The following FAM20C variants were observed in gnomAD, a reference collection of about 807,000 sequenced individuals.
The protein encoded by FAM20C is FAM20C golgi associated secretory pathway kinase.
FAM20C carries 40 observed loss-of-function variants against 51.5 expected under a neutral mutation model. The observed-to-expected ratio is 0.78, with a 90% confidence interval of 0.60 to 1.01. The LOEUF (loss-of-function observed/expected upper bound fraction) is 1.01, where lower values mean the gene tolerates loss of function less well. FAM20C is among the 50% of genes least tolerant of loss of function. The pLI, the probability that FAM20C is intolerant of heterozygous loss-of-function variation, is 0.00. For missense variants in FAM20C, 861 were observed against 844.7 expected, an observed-to-expected ratio of 1.02 and a Z score of -0.24; for synonymous variants, 406 against 380.6, an observed-to-expected ratio of 1.07 and a Z score of -0.78.
chr7:252,000 C>T (rs548039872), intron 5 of FAM20C, among the ~76,000 whole-genome samples: 4 of 152,360 alleles, frequency 2.6e-5, no homozygotes, highest in South Asian at 4.1e-4. Context: ...CGATTTCTTC[C>T]AGAAGCCTCT....
rs528110438 is a variant in FAM20C, at chr7:232,283, G to A, written c.864-14132G>A. ...TGGCCCTGGGTGAGCAGACCTTGTG[G>A]CTACCTGTCTGTTCTCCCATGTGTC... is the stretch of plus-strand genomic sequence containing the variant. On this transcript the variant is annotated intron_variant, in intron 3 of 9. Transcript: ENST00000313766. Among the ~76,000 whole-genome samples the A allele has an allele frequency of 9.8e-5, 15 of 152,332 alleles. No individual in the cohort carries two copies. The East Asian group carries it at 2.9e-3, about 29-fold the overall frequency.
Position 258,665 on chromosome 7 carries a change from G to T in FAM20C, c.1465G>T (p.Asp489Tyr), listed in dbSNP as rs946092624. ...NGRGFGKYSH[D>Y]ELSILVPLQQ... ...TGGAAGGTTTGGGAAGTATTCGCACGACGAGCTCTCCATCCTGGTGCCGCT... is the reference window on the plus strand; with the variant it reads ...TGGAAGGTTTGGGAAGTATTCGCACTACGAGCTCTCCATCCTGGTGCCGCT... Residue 489 changes from aspartate (D) to tyrosine (Y), a missense_variant, in exon 9 of 10, where the codon GAC becomes TAC. Asp to Tyr is a radical substitution (Grantham distance 160). Coordinates refer to ENST00000313766, the MANE Select transcript of FAM20C (RefSeq NM_020223.4). 1 of 1,536,742 alleles carries T rather than the reference G, an allele frequency of 6.5e-7. No homozygotes were observed. Among genetic ancestry groups the T allele is most frequent in the Non-Finnish European group, 8.7e-7 (1 of 1,146,548 alleles).
At chr7:209,102 T>G (rs1015807582) in intron 3 of FAM20C, 126 bp downstream of exon 3, 9 of 899,628 alleles carry the variant, frequency 1.0e-5, no homozygotes, top group Non-Finnish European at 1.6e-5. Flanking sequence ...GGGTGACCAC[T>G]CTCAACTCTC....
chr7:206,099 G>A (rs1048591050), intron 2 of FAM20C, among the ~76,000 whole-genome samples: 4 of 152,216 alleles, frequency 2.6e-5, no homozygotes, highest in East Asian at 3.9e-4. Context: ...GAGCGTCTCC[G>A]TCATCCCAGG....
At chr7:203,386 A>G (rs905499468) in intron 2 of FAM20C, among the ~76,000 whole-genome samples, 7 of 149,960 alleles carry the variant, frequency 4.7e-5, no homozygotes, top group African/African-American at 1.7e-4. Context: ...CTTTTTTTCA[A>G]GGCCTGGCCT....
At chr7:201,774 T>G (rs1420034775) in intron 2 of FAM20C, among the ~76,000 whole-genome samples, 2 of 152,208 alleles carry the variant, frequency 1.3e-5, no homozygotes, top group East Asian at 3.8e-4. Context: ...GAACATCGCC[T>G]CTGTCTCGTG....
intron 3 of FAM20C, among the ~76,000 whole-genome samples, chr7:237,357 T>G (rs1160011273): frequency 1.3e-5 from 2 of 152,228 alleles, no homozygotes; most frequent in East Asian, 3.8e-4. Flanking sequence ...GCTCACATTT[T>G]AGCATCACAC....
intron 3 of FAM20C, among the ~76,000 whole-genome samples, chr7:212,198 C>T (rs551388717): frequency 7.2e-5 from 11 of 152,324 alleles, no homozygotes; most frequent in Admixed American, 2.0e-4. Flanking sequence ...CACACTGGCT[C>T]GCAGCTGTAA....
chr7:245,252 G>A (rs1788106005), intron 3 of FAM20C, among the ~76,000 whole-genome samples: 1 of 152,244 alleles, frequency 6.6e-6, no homozygotes, highest in African/African-American at 2.4e-5. Context: ...TCTGCCCTGA[G>A]TGGGAGGTGT....
rs1433398827 is a variant in FAM20C at position 219,473 on chromosome 7, C to T, written c.863+10497C>T. ...AGCAACGCCCAGCCAGGGCTGTCGGCGGGGTCTGAGGGAGGCGCGTTCCCT... is the reference window on the plus strand; with the variant it reads ...AGCAACGCCCAGCCAGGGCTGTCGGTGGGGTCTGAGGGAGGCGCGTTCCCT... On this transcript the variant is annotated intron_variant, in intron 3 of 9. Transcript: ENST00000313766. 3.3e-5 allele frequency among the ~76,000 whole-genome samples: 5 copies of T among 151,150 alleles called. No individual in the cohort carries two copies. In the South Asian group the frequency reaches 6.2e-4, roughly 19 times the overall value.
Position 193,404 on chromosome 7 carries a change from G to A in FAM20C, c.205G>A (p.Glu69Lys). 1 of 1,400,734 alleles carries A rather than the reference G, an allele frequency of 7.1e-7. No individual in the cohort carries two copies. Among genetic ancestry groups the A allele is most frequent in the Non-Finnish European group, 9.4e-7 (1 of 1,065,280 alleles). The allele number at this position is 1,400,734 out of a possible 1,614,324, so 86.8% of individuals were successfully genotyped here. The change falls in exon 1 of 10, where the codon GAG (glutamate) becomes AAG (lysine). Residue 69 changes from glutamate to lysine, a missense_variant. Glu to Lys is a moderately conservative substitution (Grantham distance 56). This residue lies in a region of FAM20C where 561 missense variants were observed against 499.8 expected (regional missense o/e 1.12). Transcript: ENST00000313766. ...GGCCCAGGTTCGGGGCCGCCCCGGG[G>A]AGCCCCCGGCCGCCTCCTCCGCCGC... ...GWAQVRGRPG[E>K]PPAASSAAGD...
chr7:205,399 C>CAGCCCCCCG (rs1786330407), intron 2 of FAM20C, among the ~76,000 whole-genome samples: 1 of 150,878 alleles, frequency 6.6e-6, no homozygotes, highest in African/African-American at 2.4e-5. Flanking sequence ...ACCACCACAC[C>CAGCCCCCCG]AGTTAATTTT....
intron 3 of FAM20C, chr7:228,294 C>T: frequency 2.7e-6 from 1 of 368,160 alleles, no homozygotes; most frequent in East Asian, 7.4e-5. Context: ...TGCCTGTCCC[C>T]ATGGGTTCCG....
At chr7:228,156 C>T in intron 3 of FAM20C, 1 of 317,184 alleles carries the variant, frequency 3.2e-6, no homozygotes, top group East Asian at 7.9e-5. Flanking sequence ...CGTAACGAAA[C>T]ACCAGGGGGG....
intron 3 of FAM20C, among the ~76,000 whole-genome samples, chr7:224,256 G>GGTC (rs765940748): frequency 1.1e-4 from 7 of 63,552 alleles, no homozygotes; most frequent in African/African-American, 3.6e-4. Context: ...CTGTCACGGG[G>GGTC]TCGCATGGCG....
At chr7:236,800 CCGG>C (rs1787862122) in intron 3 of FAM20C, among the ~76,000 whole-genome samples, 2 of 142,610 alleles carry the variant, frequency 1.4e-5, no homozygotes, top group African/African-American at 5.3e-5. Context: ...ATCTGGGGTC[CCGG>C]TGGCTGTCGG....
At chr7:217,384 G>GATCTCC (rs1787032829) in intron 3 of FAM20C, among the ~76,000 whole-genome samples, 1 of 151,688 alleles carries the variant, frequency 6.6e-6, no homozygotes, top group Non-Finnish European at 1.5e-5. Flanking sequence ...GGCTGTGGGT[G>GATCTCC]AGCTCCAGCC....
chr7:226,441 C>T (rs956349156), intron 3 of FAM20C, among the ~76,000 whole-genome samples: 1 of 152,188 alleles, frequency 6.6e-6, no homozygotes, highest in Non-Finnish European at 1.5e-5. Flanking sequence ...ACAAGAGTCC[C>T]AGCGCTTACC....
chr7:223,044 C>CAT (rs71016861), intron 3 of FAM20C, among the ~76,000 whole-genome samples: 132,526 of 151,768 alleles, frequency 0.87, 58,153 homozygotes, highest in South Asian at 0.92. Flanking sequence ...TATGTGAGGG[C>CAT]GTGTGTGTGC....
Sources: gnomAD v4.1 joint callset for allele counts (sites outside exome capture counted in the v4.1 genomes callset) on GRCh38, gnomAD v4.1.1 for gene constraint, gnomAD v4.1.1 regional missense constraint, MANE v1.5 for transcripts, NCBI Gene and HGNC (gene_info 2026-07-23, HGNC 2026-07-21) for gene names.